DLG5: variants seen among roughly 807,000 people sequenced by gnomAD.
DLG5 encodes discs large MAGUK scaffold protein 5.
DLG5 carries 48 observed loss-of-function variants against 189.8 expected under a neutral mutation model. The ratio of observed to expected loss-of-function variants is 0.25; its 90% CI spans 0.20 to 0.32. DLG5 has a LOEUF of 0.32. Among genes scored for constraint, DLG5 ranks in the 10% least tolerant of loss-of-function variants. The pLI is 1.00. For synonymous variants in DLG5, 1,016 were observed against 1,054.1 expected (o/e 0.96, Z 0.70); for missense variants, 2,160 against 2,544.7 (o/e 0.85, Z 3.25).
At chr10:77,940,679 T>C in the DLG5 span, among the ~76,000 whole-genome samples, 2 of 152,124 alleles carry the variant, frequency 1.3e-5, no homozygotes, top group East Asian at 1.9e-4. Flanking sequence ...CCCGAGGTCC[T>C]CTCCTCCAGA....
chr10:77,848,875 A>G (rs1433946520), intron 5 of DLG5, among the ~76,000 whole-genome samples: 1 of 152,190 alleles, frequency 6.6e-6, no homozygotes, highest in Non-Finnish European at 1.5e-5. Context: ...GGCTGCCCAC[A>G]TTGGTTGAAG....
At chr10:77,859,617 G>A (rs1168884635) in intron 2 of DLG5, among the ~76,000 whole-genome samples, 5 of 152,226 alleles carry the variant, frequency 3.3e-5, no homozygotes, top group Non-Finnish European at 7.3e-5. Context: ...AGGCCATATC[G>A]TGTAGCCTAG....
intron 2 of DLG5, 66 bp from the exon 3 acceptor site, chr10:77,856,958 C>A: frequency 6.7e-7 from 1 of 1,498,872 alleles, no homozygotes; most frequent in Non-Finnish European, 9.0e-7. Flanking sequence ...CCGGTGCTGT[C>A]CTGAGCTGTT....
Position 77,792,338 on chromosome 10 carries a change from T to A in DLG5, c.*102A>T, listed in dbSNP as rs1310358633. 5.0e-6 allele frequency: 6 copies of A among 1,190,526 alleles called. No homozygotes were observed. The Admixed American group carries it at 1.1e-4, about 21-fold the overall frequency. The allele number at this position is 1,190,526 out of a possible 1,614,324, so 73.7% of individuals were successfully genotyped here. On this transcript the variant is annotated 3_prime_UTR_variant, in exon 32 of 32. Transcript: ENST00000372391. The stretch of plus-strand genomic sequence containing the variant: ...CCTGGTTCCGGATCCTTCCCCCGCA[T>A]GTTCATAGACGGACAGACTTCTACT...
chr10:77,927,782 C>T (rs1231140551), upstream of DLG5: 3 of 152,256 alleles, frequency 2.0e-5, no homozygotes, highest in South Asian at 2.1e-4. Flanking sequence ...TTCTCTTCCA[C>T]GACAGCCGTT....
In DLG5 at chr10:77,910,693, C is replaced by T. The variant is rs191004134; in HGVS notation, c.304+15524G>A. Among the ~76,000 whole-genome samples the T allele has an allele frequency of 3.9e-5, 6 of 152,274 alleles. No homozygotes were observed. The East Asian group carries it at 1.2e-3, about 29-fold the overall frequency. The stretch of plus-strand genomic sequence containing the variant: ...CATAGGCTCCTTAAGAAATGTAGGC[C>T]GGGCGTCGTGGTTCACATCTGTAAT... On this transcript the variant is annotated intron_variant, in intron 1 of 31. Coordinates refer to ENST00000372391, the MANE Select transcript of DLG5 (RefSeq NM_004747.4).
intron 27 of DLG5, 113 bp downstream of exon 27, chr10:77,805,552 G>A (rs1236904161): frequency 8.0e-7 from 1 of 1,242,338 alleles, no homozygotes; most frequent in Non-Finnish European, 1.1e-6. Context: ...CTTCAGACTT[G>A]CGCACAAAAG....
intron 7 of DLG5, among the ~76,000 whole-genome samples, chr10:77,838,658 C>T (rs917597231): frequency 2.0e-5 from 3 of 152,208 alleles, no homozygotes; most frequent in African/African-American, 4.8e-5. Flanking sequence ...CGTGCAAGCA[C>T]GATGCCAGAA....
intron 1 of DLG5, among the ~76,000 whole-genome samples, chr10:77,913,131 C>T (rs1237628178): frequency 6.6e-6 from 1 of 152,086 alleles, no homozygotes; most frequent in Admixed American, 6.6e-5. Context: ...ACACTTTGTA[C>T]GTGTTATTTC....
intron 9 of DLG5, among the ~76,000 whole-genome samples, chr10:77,831,448 AT>A (rs993516320): frequency 3.3e-5 from 5 of 152,202 alleles, no homozygotes; most frequent in Non-Finnish European, 5.9e-5. Context: ...TGCCAACAAG[AT>A]TTTTGTAGAT....
chr10:77,798,373 G>C (rs12356063), intron 27 of DLG5, among the ~76,000 whole-genome samples: 46,191 of 151,726 alleles, frequency 0.3, 7,234 homozygotes, highest in Non-Finnish European at 0.35. Context: ...AGGAGTCACG[G>C]GGCAAAGAAC....
chr10:77,879,846 G>A (rs571825287), intron 1 of DLG5, among the ~76,000 whole-genome samples: 47 of 152,004 alleles, frequency 3.1e-4, no homozygotes, highest in Non-Finnish European at 5.2e-4. Context: ...GAGTTCCCGC[G>A]GGGCCTGGTC....
chr10:77,811,153 G>T lies in DLG5; in HGVS notation c.4404C>A (p.Asp1468Glu), dbSNP rs779223358. Residue 1468 changes from aspartate (D) to glutamate (E), a missense_variant, in exon 23 of 32, where the codon GAC (aspartate) becomes GAA (glutamate). Coordinates refer to ENST00000372391, the MANE Select transcript of DLG5 (RefSeq NM_004747.4). ...TTTPEHPSVI[D>E]PLMEQDEGPS... ...GCCCCTCGTCCTGCTCCATCAGTGG[G>T]TCGATGACAGATGGATGCTCCGGGG... 11 of 1,613,154 alleles carry T rather than the reference G, an allele frequency of 6.8e-6. No homozygotes were observed. The South Asian group carries it at 1.2e-4, about 18-fold the overall frequency.
At chr10:77,929,569 A>G (rs529999495), upstream of DLG5, 1 of 152,362 alleles carries the variant, frequency 6.6e-6, no homozygotes, top group Admixed American at 6.5e-5. Context: ...TCCTCATCCA[A>G]TAACTGTTGT....
intron 27 of DLG5, among the ~76,000 whole-genome samples, chr10:77,798,881 A>G (rs1841061791): frequency 6.6e-6 from 1 of 152,220 alleles, no homozygotes; most frequent in African/African-American, 2.4e-5. Context: ...AGATGGGAAG[A>G]TGCTAACAAT....
At chr10:77,811,844 G>A in intron 22 of DLG5, 80 bp downstream of exon 22, 1 of 1,480,340 alleles carries the variant, frequency 6.8e-7, no homozygotes, top group Non-Finnish European at 9.0e-7. Context: ...GGCACCCTGG[G>A]TCTCCCTAAA....
At chr10:77,940,639 C>T in the DLG5 span, among the ~76,000 whole-genome samples, 1 of 152,048 alleles carries the variant, frequency 6.6e-6, no homozygotes, top group Non-Finnish European at 1.5e-5. Flanking sequence ...AGGGGAGGAC[C>T]CTGAATCCAA....
chr10:77,935,635 A>G, the DLG5 span, among the ~76,000 whole-genome samples: 1 of 152,236 alleles, frequency 6.6e-6, no homozygotes, highest in Non-Finnish European at 1.5e-5. Context: ...GCATGTGTAC[A>G]TGTGTCTGTG....
intron 13 of DLG5, 104 bp from the exon 14 acceptor site, chr10:77,824,580 TGCAAGG>T: frequency 4.5e-6 from 4 of 885,300 alleles, no homozygotes; most frequent in Non-Finnish European, 7.0e-6. Flanking sequence ...AGTCACCAAA[TGCAAGG>T]TGCCAAAGTC....
Sources: allele counts gnomAD v4.1 joint callset (sites outside exome capture counted in the v4.1 genomes callset), GRCh38; gene constraint gnomAD v4.1.1; transcripts MANE v1.5; gene names NCBI Gene and HGNC (gene_info 2026-07-23, HGNC 2026-07-21).